MBNL2: variants seen among roughly 807,000 people sequenced by gnomAD.
The protein encoded by MBNL2 is muscleblind like splicing regulator 2, also known as muscleblind-like protein 2.
A neutral mutation model predicts 41.9 loss-of-function variants in MBNL2; 17 were observed. The observed-to-expected ratio is 0.41, with a 90% confidence interval of 0.28 to 0.61. The LOEUF is 0.61. MBNL2 is among the 20% of genes least tolerant of loss of function. MBNL2 has a pLI of 0.35. For missense variants in MBNL2, 336 were observed against 505.6 expected, an observed-to-expected ratio of 0.66 and a Z score of 3.22; for synonymous variants, 195 against 182.9, an observed-to-expected ratio of 1.07 and a Z score of -0.53.
At chr13:97,237,538 ATGCC>A (rs1324999148) in intron 1 of MBNL2, among the ~76,000 whole-genome samples, 14 of 152,338 alleles carry the variant, frequency 9.2e-5, no homozygotes, top group Non-Finnish European at 1.5e-4. Context: ...GAGGTATAAG[ATGCC>A]TGTGAGATTA....
chr13:97,144,858 A>G, the MBNL2 span, among the ~76,000 whole-genome samples: 2 of 152,204 alleles, frequency 1.3e-5, no homozygotes, highest in African/African-American at 4.8e-5. Flanking sequence ...GAGGGAAAGA[A>G]CATTAGAAGC....
At chr13:97,350,742 G>A (rs1161591443) in intron 5 of MBNL2, among the ~76,000 whole-genome samples, 1 of 152,152 alleles carries the variant, frequency 6.6e-6, no homozygotes. Flanking sequence ...CTTCAGGCTC[G>A]ACTTCTATTA....
At chr13:97,205,687 G>A in the MBNL2 span, among the ~76,000 whole-genome samples, 1 of 152,154 alleles carries the variant, frequency 6.6e-6, no homozygotes, top group Non-Finnish European at 1.5e-5. Flanking sequence ...TTTGTTGGAT[G>A]TAGAATTAAG....
At chr13:97,191,505 G>A in the MBNL2 span, among the ~76,000 whole-genome samples, 2 of 151,998 alleles carry the variant, frequency 1.3e-5, no homozygotes, top group African/African-American at 4.8e-5. Flanking sequence ...CTGAACTAAG[G>A]AAAAGTCCTG....
chr13:97,167,380 T>C, the MBNL2 span, among the ~76,000 whole-genome samples: 10 of 111,896 alleles, frequency 8.9e-5, no homozygotes, highest in Non-Finnish European at 1.6e-4. Flanking sequence ...GATTCATTAA[T>C]GCTTTATGTA....
At chr13:97,278,986 A>T (rs2389822) in intron 2 of MBNL2, among the ~76,000 whole-genome samples, 4,916 of 152,312 alleles carry the variant, frequency 0.032, 273 homozygotes, top group African/African-American at 0.11. Context: ...TCAGCAGAGA[A>T]ATTGGCTGAA....
chr13:97,285,723 G>T (rs2054292151), intron 2 of MBNL2, among the ~76,000 whole-genome samples: 1 of 151,308 alleles, frequency 6.6e-6, no homozygotes, highest in African/African-American at 2.5e-5. Flanking sequence ...AGCATACATT[G>T]TTTCTTCCAT....
At position 97,393,016 on chromosome 13, in the gene MBNL2, C is replaced by G. The variant is rs1481870254; in HGVS notation, c.*1567C>G. The G allele has an allele frequency of 2.0e-5, 3 of 152,432 alleles. No homozygotes were observed. The highest frequency in any genetic ancestry group is 4.4e-5 in the Non-Finnish European group (3 of 67,908). The allele number at this position is 152,432 out of a possible 1,614,324, so 9.4% of individuals were successfully genotyped here. A position where few individuals can be genotyped will look rare whatever the true frequency, so the allele number is the denominator to read the frequency against. On this transcript the variant is annotated 3_prime_UTR_variant, in exon 9 of 9. Transcript: ENST00000679496. ...AATCTGCATTTTAATTCATGTTGGT[C>G]AAAGTCGAATTACTATCTATTTATC...
rs147394884 is a variant in MBNL2, at chr13:97,330,642, C to T, written c.175-3634C>T. On this transcript the variant is annotated intron_variant, in intron 2 of 8. Transcript: ENST00000679496. ...CACAATGATACACAAAGACGCTTTA[C>T]GCTTCTGCACACTGCCCTGTACCAT... 1.5e-3 allele frequency among the ~76,000 whole-genome samples: 223 copies of T among 152,332 alleles called. 2 individuals are homozygous for T. The highest frequency in any genetic ancestry group is 4.5e-3 in the African/African-American group (185 of 41,570).
At chr13:97,316,599 C>CCGAGCCCTTAGTGCTGG (rs750762184) in intron 2 of MBNL2, among the ~76,000 whole-genome samples, 5 of 152,178 alleles carry the variant, frequency 3.3e-5, no homozygotes, top group Non-Finnish European at 5.9e-5. Context: ...ATGCGTCCTC[C>CCGAGCCCTTAGTGCTGG]CGAGCCCTTA....
At chr13:97,206,713 GTAGTAATAATGA>G in the MBNL2 span, among the ~76,000 whole-genome samples, 9 of 152,214 alleles carry the variant, frequency 5.9e-5, no homozygotes, top group African/African-American at 9.6e-5. Context: ...TCAATCAGTT[GTAGTAATAATGA>G]TAGTAATAAT....
At chr13:97,277,798 G>A (rs1474538243) in intron 2 of MBNL2, among the ~76,000 whole-genome samples, 1 of 152,066 alleles carries the variant, frequency 6.6e-6, no homozygotes, top group African/African-American at 2.4e-5. Context: ...ATGATGAATT[G>A]TTTTGCCTAA....
chr13:97,352,714 C>T (rs1346402974), intron 5 of MBNL2, among the ~76,000 whole-genome samples: 5 of 152,196 alleles, frequency 3.3e-5, no homozygotes, highest in Admixed American at 6.5e-5. Flanking sequence ...TTGCCACAAA[C>T]CTTCAATTTT....
At chr13:97,297,530 T>G (rs1289169415) in intron 2 of MBNL2, among the ~76,000 whole-genome samples, 1 of 152,156 alleles carries the variant, frequency 6.6e-6, no homozygotes, top group Non-Finnish European at 1.5e-5. Flanking sequence ...CATCTCTGAC[T>G]CTGCTTTCTC....
chr13:97,215,624 T>C, the MBNL2 span, among the ~76,000 whole-genome samples: 1 of 152,256 alleles, frequency 6.6e-6, no homozygotes, highest in Non-Finnish European at 1.5e-5. Flanking sequence ...GAGTTAAGCA[T>C]GTAAGAAAAA....
intron 2 of MBNL2, among the ~76,000 whole-genome samples, chr13:97,286,727 A>G (rs1214951716): frequency 6.6e-6 from 1 of 152,148 alleles, no homozygotes; most frequent in Admixed American, 6.5e-5. Context: ...GGGCCTTGGC[A>G]CTGGCTGTTC....
intron 3 of MBNL2, 144 bp from the exon 4 acceptor site, chr13:97,342,872 T>C: frequency 1.8e-6 from 1 of 559,078 alleles, no homozygotes; most frequent in Non-Finnish European, 3.2e-6. Context: ...TACATGGATG[T>C]CATTTTTATT....
At chr13:97,193,048 C>T in the MBNL2 span, among the ~76,000 whole-genome samples, 1 of 152,218 alleles carries the variant, frequency 6.6e-6, no homozygotes, top group Non-Finnish European at 1.5e-5. Flanking sequence ...AGAACCCTGA[C>T]ATTTTTTTAG....
At chr13:97,280,948 T>C (rs1361277887) in intron 2 of MBNL2, among the ~76,000 whole-genome samples, 2 of 152,232 alleles carry the variant, frequency 1.3e-5, no homozygotes, top group African/African-American at 2.4e-5. Flanking sequence ...CTGGCTTTAC[T>C]GCTCCCCCTA....
Sources: gnomAD v4.1 joint callset for allele counts (sites outside exome capture counted in the v4.1 genomes callset) on GRCh38, gnomAD v4.1.1 for gene constraint, MANE v1.5 for transcripts, NCBI Gene and HGNC (gene_info 2026-07-23, HGNC 2026-07-21) for gene names.